Variants in FBXL7 observed in about 807,000 individuals in gnomAD.
FBXL7 encodes F-box and leucine rich repeat protein 7.
In FBXL7, 12 loss-of-function variants were observed where a neutral mutation model predicts 38.3. That is an observed-to-expected ratio of 0.31 (90% CI 0.20 to 0.51). The LOEUF is 0.51. Ranked by LOEUF, FBXL7 falls within the 20% of genes least tolerant of loss-of-function variation. The pLI, the probability that FBXL7 is intolerant of heterozygous loss-of-function variation, is 0.98. For synonymous variants in FBXL7, 297 were observed against 300.9 expected, an observed-to-expected ratio of 0.99 and a Z score of 0.13; for missense variants, 567 against 676.4, an observed-to-expected ratio of 0.84 and a Z score of 1.79.
intron 2 of FBXL7, among the ~76,000 whole-genome samples, chr5:15,918,642 G>GAGCTGA (rs1460869503): frequency 6.6e-6 from 1 of 152,234 alleles, no homozygotes; most frequent in African/African-American, 2.4e-5. Context: ...ACTCAGTGAA[G>GAGCTGA]AGCTGAACAG....
At position 15,928,487 on chromosome 5, in the gene FBXL7, A is replaced by C; in HGVS notation, c.725A>C (p.His242Pro). ...DVVSLCPNLE[H>P]LDVSGCSKVT... Reference sequence around the variant, plus strand: ...GTGTCCCTCTGCCCTAATCTGGAGCACCTGGATGTGTCAGGTAAATGGACA... The same window carrying C: ...GTGTCCCTCTGCCCTAATCTGGAGCCCCTGGATGTGTCAGGTAAATGGACA... The change falls in exon 3 of 4, where the codon CAC becomes CCC. Residue 242 changes from histidine (H) to proline (P), a missense_variant. His to Pro is a moderately conservative substitution (Grantham distance 77, BLOSUM62 -2). Coordinates refer to ENST00000504595, the MANE Select transcript of FBXL7 (RefSeq NM_012304.5). The surrounding 1 kb of genome is among the most constrained non-coding windows in gnomAD (Gnocchi z 4.0). The C allele has an allele frequency of 6.2e-7, 1 of 1,610,968 alleles. No homozygotes were observed. The highest frequency in any genetic ancestry group is 1.3e-5 in the African/African-American group (1 of 74,990).
chr5:15,766,014 ATCTG>A (rs70938028), intron 2 of FBXL7, among the ~76,000 whole-genome samples: 155 of 151,182 alleles, frequency 1.0e-3, no homozygotes, highest in Non-Finnish European at 1.5e-3. Context: ...CTTCATCTAT[ATCTG>A]TCTGTCTGTC....
chr5:15,632,502 G>A (rs114059655), intron 2 of FBXL7, among the ~76,000 whole-genome samples: 4,074 of 152,160 alleles, frequency 0.027, 90 homozygotes, highest in East Asian at 0.051. Flanking sequence ...ACTGCTATTC[G>A]ACTCAGCAAT....
chr5:15,563,448 ATGCTGGC>A (rs1371706711), intron 1 of FBXL7, among the ~76,000 whole-genome samples: 3 of 152,248 alleles, frequency 2.0e-5, no homozygotes, highest in Non-Finnish European at 4.4e-5. Context: ...TGTTGAGTTC[ATGCTGGC>A]TGCAACCACT....
intron 2 of FBXL7, among the ~76,000 whole-genome samples, chr5:15,783,051 G>A (rs189078664): frequency 2.5e-4 from 38 of 152,238 alleles, no homozygotes; most frequent in African/African-American, 8.4e-4. Flanking sequence ...TAGGAAGTTG[G>A]AGCTATGAAA....
At chr5:15,858,952 A>T (rs984559151) in intron 2 of FBXL7, among the ~76,000 whole-genome samples, 2 of 152,218 alleles carry the variant, frequency 1.3e-5, no homozygotes, top group African/African-American at 4.8e-5. Flanking sequence ...TAACTTAACC[A>T]GTATTTTTAT....
intron 2 of FBXL7, among the ~76,000 whole-genome samples, chr5:15,703,705 A>T (rs1743597550): frequency 6.6e-6 from 1 of 152,210 alleles, no homozygotes; most frequent in African/African-American, 2.4e-5. Context: ...AAGCTAGATG[A>T]TAATAAGTAA....
chr5:15,881,180 C>G (rs1194544308), intron 2 of FBXL7, among the ~76,000 whole-genome samples: 4 of 152,098 alleles, frequency 2.6e-5, no homozygotes, highest in African/African-American at 4.8e-5. Context: ...CTCACCACCC[C>G]CTACCTTTCC....
intron 2 of FBXL7, among the ~76,000 whole-genome samples, chr5:15,869,693 G>A (rs1739868990): frequency 6.6e-6 from 1 of 152,138 alleles, no homozygotes; most frequent in African/African-American, 2.4e-5. Flanking sequence ...AACATATTTT[G>A]AGCATATATT....
intron 1 of FBXL7, among the ~76,000 whole-genome samples, chr5:15,560,911 A>T (rs1331581578): frequency 6.6e-6 from 1 of 152,144 alleles, no homozygotes; most frequent in Non-Finnish European, 1.5e-5. Context: ...TTGGTTATCA[A>T]AGAATTTCAT....
chr5:15,673,956 G>T (rs910958111), intron 2 of FBXL7, among the ~76,000 whole-genome samples: 3 of 152,174 alleles, frequency 2.0e-5, no homozygotes, highest in Non-Finnish European at 4.4e-5. Context: ...AAGTGAGAAC[G>T]TGCGTTTGGA....
At chr5:15,729,445 T>C (rs566579566) in intron 2 of FBXL7, among the ~76,000 whole-genome samples, 22 of 152,244 alleles carry the variant, frequency 1.4e-4, no homozygotes, top group African/African-American at 5.1e-4. Context: ...AATAATGACA[T>C]GTAAAATTTC....
chr5:15,898,655 G>A lies in FBXL7; in HGVS notation c.128-29235G>A, dbSNP rs138475897. Among the ~76,000 whole-genome samples, 14 of 152,302 alleles carry A rather than the reference G, an allele frequency of 9.2e-5. No individual in the cohort carries two copies. In the East Asian group the frequency reaches 1.7e-3, roughly 19 times the overall value. ...TAGCCTCAAGCTAAAAAGATGTGTCGCAGGATACAGTTCTTCACCTGAAAT... is the reference window on the plus strand; with the variant it reads ...TAGCCTCAAGCTAAAAAGATGTGTCACAGGATACAGTTCTTCACCTGAAAT... On this transcript the variant is annotated intron_variant, in intron 2 of 3. Transcript: ENST00000504595.
intron 1 of FBXL7, among the ~76,000 whole-genome samples, chr5:15,567,162 AG>A (rs1738603981): frequency 6.6e-6 from 1 of 152,118 alleles, no homozygotes; most frequent in South Asian, 2.1e-4. Flanking sequence ...ATAGACCAAA[AG>A]ATGTTTTTAG....
At chr5:15,628,737 T>C (rs1740901104) in intron 2 of FBXL7, among the ~76,000 whole-genome samples, 1 of 152,234 alleles carries the variant, frequency 6.6e-6, no homozygotes, top group Non-Finnish European at 1.5e-5. Flanking sequence ...TGCTCTCTTT[T>C]GAGTATAATT....
At chr5:15,705,513 T>G (rs1014963278) in intron 2 of FBXL7, among the ~76,000 whole-genome samples, 3 of 152,218 alleles carry the variant, frequency 2.0e-5, no homozygotes, top group Non-Finnish European at 4.4e-5. Context: ...GAAGACAGAT[T>G]GGCAAAATAT....
At chr5:15,835,149 TAGTAA>T (rs1738560725) in intron 2 of FBXL7, among the ~76,000 whole-genome samples, 1 of 152,190 alleles carries the variant, frequency 6.6e-6, no homozygotes, top group Non-Finnish European at 1.5e-5. Context: ...TCTGCCCTTT[TAGTAA>T]ATATTCTGAT....
At chr5:15,880,366 G>A (rs1016334444) in intron 2 of FBXL7, among the ~76,000 whole-genome samples, 2 of 152,182 alleles carry the variant, frequency 1.3e-5, no homozygotes. Flanking sequence ...CTCAGGAGGA[G>A]GGGAGTCCCC....
intron 2 of FBXL7, among the ~76,000 whole-genome samples, chr5:15,884,567 A>T (rs934846792): frequency 4.6e-5 from 7 of 152,196 alleles, no homozygotes; most frequent in Admixed American, 2.0e-4. Flanking sequence ...TGGGAATTAC[A>T]GCCTCAACAT....
Sources: allele counts gnomAD v4.1 joint callset (sites outside exome capture counted in the v4.1 genomes callset), GRCh38; gene constraint gnomAD v4.1.1; non-coding constraint Gnocchi (gnomAD v3.1); transcripts MANE v1.5; gene names NCBI Gene and HGNC (gene_info 2026-07-23, HGNC 2026-07-21).